DOCK10: variants seen among roughly 807,000 people sequenced by gnomAD.
DOCK10 encodes the protein dedicator of cytokinesis 10, also known as dedicator of cytokinesis protein 10.
Under a neutral mutation model 280.1 loss-of-function variants are expected in DOCK10, and 145 were observed. The ratio of observed to expected loss-of-function variants is 0.52; its 90% CI spans 0.45 to 0.59. The LOEUF is 0.59. Ranked by LOEUF, DOCK10 falls within the 20% of genes least tolerant of loss-of-function variation. The pLI is 0.00. For synonymous variants in DOCK10, 915 were observed against 942.2 expected (o/e 0.97, Z 0.53); for missense variants, 2,368 against 2,651.7 (o/e 0.89, Z 2.35).
At chr2:224,984,024 G>A (rs1705886538) in intron 1 of DOCK10, among the ~76,000 whole-genome samples, 1 of 152,094 alleles carries the variant, frequency 6.6e-6, no homozygotes, top group Non-Finnish European at 1.5e-5. Flanking sequence ...GGGCAGAGTG[G>A]GCTCCTCTGT....
chr2:224,999,567 G>A (rs1012968011), intron 1 of DOCK10, among the ~76,000 whole-genome samples: 2 of 150,598 alleles, frequency 1.3e-5, no homozygotes, highest in Non-Finnish European at 2.9e-5. Flanking sequence ...GCTAGTCTGT[G>A]CTAGACAATA....
chr2:224,889,811 T>A (rs1017463823), intron 4 of DOCK10, among the ~76,000 whole-genome samples: 1 of 152,210 alleles, frequency 6.6e-6, no homozygotes, highest in African/African-American at 2.4e-5. Flanking sequence ...ACCTTTTAAT[T>A]TGATTGGCAA....
At chr2:224,822,689 G>C (rs1413984110) in intron 28 of DOCK10, among the ~76,000 whole-genome samples, 3 of 151,990 alleles carry the variant, frequency 2.0e-5, no homozygotes, top group Admixed American at 1.3e-4. Context: ...CTCCAGCTTG[G>C]GTTGACAGAG....
chr2:224,838,940 T>C (rs1191986744), intron 24 of DOCK10, among the ~76,000 whole-genome samples: 1 of 152,162 alleles, frequency 6.6e-6, no homozygotes, highest in African/African-American at 2.4e-5. Context: ...AATGCAAAAT[T>C]ATACAGCCAC....
chr2:224,943,198 T>C (rs972589007), intron 1 of DOCK10, among the ~76,000 whole-genome samples: 2 of 152,232 alleles, frequency 1.3e-5, no homozygotes, highest in African/African-American at 4.8e-5. Context: ...CCTTAAGCTT[T>C]TTTCATAACA....
intron 10 of DOCK10, 42 bp from the exon 11 acceptor site, chr2:224,874,193 A>C: frequency 6.4e-7 from 1 of 1,574,250 alleles, no homozygotes; most frequent in Non-Finnish European, 8.6e-7. Flanking sequence ...CCAACATAAA[A>C]AAGAAATTCT....
intron 1 of DOCK10, among the ~76,000 whole-genome samples, chr2:224,986,435 G>A (rs915298306): frequency 6.6e-6 from 1 of 152,168 alleles, no homozygotes; most frequent in African/African-American, 2.4e-5. Context: ...GAAAGGCTAA[G>A]AGTTTAAGGG....
intron 1 of DOCK10, among the ~76,000 whole-genome samples, chr2:225,014,209 G>T (rs937390148): frequency 1.3e-5 from 2 of 150,570 alleles, no homozygotes; most frequent in Admixed American, 1.3e-4. Flanking sequence ...TTTGCCTCTG[G>T]GAATTTTTGA....
At chr2:225,035,869 A>ATC (rs202007337) in intron 1 of DOCK10, among the ~76,000 whole-genome samples, 3 of 150,122 alleles carry the variant, frequency 2.0e-5, no homozygotes, top group African/African-American at 7.4e-5. Flanking sequence ...AGAGAGGGTG[A>ATC]TCTCTCTCTC....
At chr2:224,961,570 G>A (rs1429386477) in intron 1 of DOCK10, among the ~76,000 whole-genome samples, 16 of 147,064 alleles carry the variant, frequency 1.1e-4, no homozygotes, top group Admixed American at 5.5e-4. Flanking sequence ...GCAGTGGTGC[G>A]ATCTCGGCTC....
intron 31 of DOCK10, among the ~76,000 whole-genome samples, chr2:224,812,997 C>T (rs1405586826): frequency 1.3e-5 from 2 of 152,126 alleles, no homozygotes; most frequent in African/African-American, 4.8e-5. Context: ...TGATGCTGGC[C>T]TCATAAAATG....
intron 1 of DOCK10, among the ~76,000 whole-genome samples, chr2:225,007,930 T>G (rs1255120358): frequency 6.6e-6 from 1 of 152,158 alleles, no homozygotes; most frequent in Non-Finnish European, 1.5e-5. Flanking sequence ...CATTCTGTTC[T>G]TTAAGAAATG....
intron 1 of DOCK10, among the ~76,000 whole-genome samples, chr2:224,998,756 T>C (rs1012671389): frequency 6.6e-6 from 1 of 152,164 alleles, no homozygotes; most frequent in Non-Finnish European, 1.5e-5. Flanking sequence ...CCCAGGGGGA[T>C]TGACAACAAG....
intron 31 of DOCK10, among the ~76,000 whole-genome samples, chr2:224,811,436 G>T (rs1203910834): frequency 2.0e-5 from 3 of 152,098 alleles, no homozygotes; most frequent in African/African-American, 7.2e-5. Flanking sequence ...TTTGTAGGTT[G>T]CCTGTTGACT....
Position 224,797,936 on chromosome 2 carries a change from A to G in DOCK10, c.4540T>C (p.Leu1514=). 1.2e-6 allele frequency: 2 copies of G among 1,613,812 alleles called. No homozygotes were observed. Among genetic ancestry groups the G allele is most frequent in the Non-Finnish European group, 1.7e-6 (2 of 1,179,766 alleles). The change falls in exon 42 of 56, where the codon TTG becomes CTG. Residue 1514 remains leucine (L), a synonymous_variant. Coordinates refer to ENST00000258390, the MANE Select transcript of DOCK10 (RefSeq NM_014689.3). ...QLQQCDCQNS[L]MKRVFDTYML... ...TAGGTATCAAAGACCCTTTTCATCA[A>G]TGAATTTTGACAGTCACATTGTTGG...
At chr2:224,982,337 T>A (rs1302427923) in intron 1 of DOCK10, 1 of 1,231,860 alleles carries the variant, frequency 8.1e-7, no homozygotes, top group African/African-American at 1.6e-5. Flanking sequence ...ACGAAAAGCT[T>A]GAAGCAGAAC....
In DOCK10 at chr2:225,013,213, T is replaced by C. The variant is rs1364787697; in HGVS notation, c.123+29039A>G. ...TGCACAAATCATTTCTTTGTTAAAA[T>C]CAAACCACATTCCCTTTTACTGCCA... On this transcript the variant is annotated intron_variant, in intron 1 of 55. Transcript: ENST00000258390. 7.9e-5 allele frequency among the ~76,000 whole-genome samples: 12 copies of C among 152,284 alleles called. No individual in the cohort carries two copies. The East Asian group carries it at 2.3e-3, about 29-fold the overall frequency.
At chr2:224,948,734 T>G (rs1487641155) in intron 1 of DOCK10, among the ~76,000 whole-genome samples, 1 of 152,214 alleles carries the variant, frequency 6.6e-6, no homozygotes, top group Non-Finnish European at 1.5e-5. Context: ...TGTGCATGCA[T>G]GGTCAAGAGT....
chr2:224,960,730 CTTTTTTTTTTTTTTTT>C (rs71281764), intron 1 of DOCK10, among the ~76,000 whole-genome samples: 1 of 70,258 alleles, frequency 1.4e-5, no homozygotes, highest in South Asian at 6.0e-4. Context: ...TCACCAAATT[CTTTTTTTTTTTTTTTT>C]TTTTTTTTTT....
Sources: allele counts gnomAD v4.1 joint callset (sites outside exome capture counted in the v4.1 genomes callset), GRCh38; gene constraint gnomAD v4.1.1; transcripts MANE v1.5; gene names NCBI Gene and HGNC (gene_info 2026-07-23, HGNC 2026-07-21).